Variants in MYT1L observed in about 807,000 individuals in gnomAD.
MYT1L encodes the protein myelin transcription factor 1-like protein.
MYT1L carries 12 observed loss-of-function variants against 126.7 expected under a neutral mutation model. The ratio of observed to expected loss-of-function variants is 0.09; its 90% CI spans 0.06 to 0.15. MYT1L has a LOEUF of 0.15. Among genes scored for constraint, MYT1L ranks in the 10% least tolerant of loss-of-function variants. The pLI, the probability that MYT1L is intolerant of heterozygous loss-of-function variation, is 1.00. For missense variants in MYT1L, 979 were observed against 1,585.2 expected (o/e 0.62, Z 6.49); for synonymous variants, 541 against 604.2 (o/e 0.90, Z 1.53).
At chr2:2,057,499 T>C (rs753957033) in intron 3 of MYT1L, among the ~76,000 whole-genome samples, 12 of 151,958 alleles carry the variant, frequency 7.9e-5, no homozygotes. Context: ...TTCCAATTAA[T>C]AGCCACGCCC....
At chr2:1,913,399 G>T (rs996527373) in intron 11 of MYT1L, among the ~76,000 whole-genome samples, 3 of 152,122 alleles carry the variant, frequency 2.0e-5, no homozygotes, top group Admixed American at 2.0e-4. Flanking sequence ...TGGCTGGAGG[G>T]GGTCACAGGA....
rs185896365 is a variant in MYT1L, at chr2:2,289,027, G to C, written c.-520-4524C>G. On this transcript the variant is annotated intron_variant, in intron 1 of 24. Transcript: ENST00000647738. ...TGCATGTTAAGTAGCTTTCCTGCAGGCTTCTGCAGCTCATGATGTCAGAGG... is the reference window on the plus strand; with the variant it reads ...TGCATGTTAAGTAGCTTTCCTGCAGCCTTCTGCAGCTCATGATGTCAGAGG... Among the ~76,000 whole-genome samples the C allele has an allele frequency of 1.5e-3, 228 of 152,260 alleles. 3 individuals carry two copies. Among genetic ancestry groups the C allele is most frequent in the Non-Finnish European group, 7.1e-4 (48 of 68,028 alleles).
chr2:2,187,469 G>A (rs936895062), intron 2 of MYT1L, among the ~76,000 whole-genome samples: 5 of 151,936 alleles, frequency 3.3e-5, no homozygotes, highest in Admixed American at 3.3e-4. Flanking sequence ...TGAAAGGCAT[G>A]TTATTACCCA....
chr2:1,903,052 C>G, intron 14 of MYT1L, 28 bp downstream of exon 14: 1 of 1,586,028 alleles, frequency 6.3e-7, no homozygotes, highest in Non-Finnish European at 8.7e-7. Flanking sequence ...CAACGTGTCT[C>G]TCATGTATAA....
At chr2:2,307,356 G>A (rs192196090) in intron 1 of MYT1L, among the ~76,000 whole-genome samples, 40 of 152,110 alleles carry the variant, frequency 2.6e-4, no homozygotes, top group Non-Finnish European at 5.3e-4. Flanking sequence ...GGTGTGTGGC[G>A]TCATGGCTAC....
intron 9 of MYT1L, among the ~76,000 whole-genome samples, chr2:1,924,818 C>A (rs2054016302): frequency 6.6e-6 from 1 of 152,076 alleles, no homozygotes; most frequent in African/African-American, 2.4e-5. Flanking sequence ...GAAAGAAAAT[C>A]AAACTAGTGA....
chr2:1,985,015 C>T (rs187780224), intron 5 of MYT1L, among the ~76,000 whole-genome samples: 37 of 152,252 alleles, frequency 2.4e-4, no homozygotes, highest in African/African-American at 7.9e-4. Context: ...CTCCCCTCCC[C>T]GACAGAGTCC....
chr2:1,822,536 C>T (rs902949960), intron 21 of MYT1L, among the ~76,000 whole-genome samples: 1 of 152,172 alleles, frequency 6.6e-6, no homozygotes, highest in Admixed American at 6.5e-5. Flanking sequence ...CACAGGATGG[C>T]GAGGGCTGGC....
chr2:2,145,114 T>C (rs2084676124), intron 3 of MYT1L, among the ~76,000 whole-genome samples: 2 of 152,222 alleles, frequency 1.3e-5, no homozygotes, highest in African/African-American at 4.8e-5. Flanking sequence ...GAGACGTCTT[T>C]CAGGGCCATT....
At chr2:1,825,720 C>T (rs1446420101) in intron 21 of MYT1L, 1 of 152,158 alleles carries the variant, frequency 6.6e-6, no homozygotes, top group African/African-American at 2.4e-5. Flanking sequence ...AAAATTATAA[C>T]AGGCTAAGTT....
intron 4 of MYT1L, among the ~76,000 whole-genome samples, chr2:2,013,388 C>T (rs1029698261): frequency 6.6e-6 from 1 of 152,198 alleles, no homozygotes; most frequent in Non-Finnish European, 1.5e-5. Flanking sequence ...GCCTCTGACA[C>T]CTGCCCATCC....
In MYT1L at chr2:1,986,007, C is replaced by A. The variant is rs2060988901; in HGVS notation, c.1-6230G>T. Among the ~76,000 whole-genome samples, 7 of 152,286 alleles carry A rather than the reference C, an allele frequency of 4.6e-5. No individual in the cohort carries two copies. The South Asian group carries it at 1.5e-3, about 32-fold the overall frequency. The stretch of plus-strand genomic sequence containing the variant: ...CATAGGAAGTGCACTCAGCCACTAG[C>A]CTTTTGAATACAGGAAAAGCAAGTT... On this transcript the variant is annotated intron_variant, in intron 5 of 24. Transcript: ENST00000647738.
At chr2:2,232,112 T>C (rs900292193) in intron 2 of MYT1L, among the ~76,000 whole-genome samples, 11 of 152,354 alleles carry the variant, frequency 7.2e-5, no homozygotes, top group Admixed American at 1.3e-4. Flanking sequence ...GGCAAGAAGA[T>C]GTAACTTGCT....
At chr2:2,146,503 G>C (rs1339435009) in intron 3 of MYT1L, among the ~76,000 whole-genome samples, 1 of 152,220 alleles carries the variant, frequency 6.6e-6, no homozygotes, top group African/African-American at 2.4e-5. Context: ...CCTGGGCTCA[G>C]TGCTGCTGTC....
At chr2:1,934,150 A>AT (rs1174338927) in intron 9 of MYT1L, among the ~76,000 whole-genome samples, 1 of 150,896 alleles carries the variant, frequency 6.6e-6, no homozygotes, top group Non-Finnish European at 1.5e-5. Context: ...AATTTTTTGT[A>AT]TTTTTAGTAG....
chr2:2,056,829 T>A (rs1407826400), intron 3 of MYT1L, among the ~76,000 whole-genome samples: 1 of 152,218 alleles, frequency 6.6e-6, no homozygotes, highest in Non-Finnish European at 1.5e-5. Flanking sequence ...TCAGCCAAAG[T>A]TTTGCTGGCC....
At chr2:1,825,427 TA>T (rs971186995) in intron 21 of MYT1L, 1 of 152,224 alleles carries the variant, frequency 6.6e-6, no homozygotes, top group African/African-American at 2.4e-5. Flanking sequence ...ATAATTCCAT[TA>T]AAAAGTTGGC....
intron 14 of MYT1L, among the ~76,000 whole-genome samples, chr2:1,894,327 C>G (rs923915067): frequency 6.6e-6 from 1 of 152,126 alleles, no homozygotes; most frequent in Non-Finnish European, 1.5e-5. Flanking sequence ...GAGAGACCAC[C>G]GTGGGGCTGC....
chr2:1,798,764 C>G (rs2034292755), intron 23 of MYT1L, among the ~76,000 whole-genome samples: 1 of 152,244 alleles, frequency 6.6e-6, no homozygotes, highest in Non-Finnish European at 1.5e-5. Context: ...AAGGCTGCTG[C>G]AGGAAGGCCG....
Sources: gnomAD v4.1 joint callset for allele counts (sites outside exome capture counted in the v4.1 genomes callset) on GRCh38, gnomAD v4.1.1 for gene constraint, MANE v1.5 for transcripts, NCBI Gene and HGNC (gene_info 2026-07-23, HGNC 2026-07-21) for gene names.